Variants in TNFSF4 observed in about 807,000 individuals in gnomAD.
The protein encoded by TNFSF4 is tumor necrosis factor ligand superfamily member 4.
Under a neutral mutation model 7.3 loss-of-function variants are expected in TNFSF4, and 4 were observed. The ratio of observed to expected loss-of-function variants is 0.55; its 90% CI spans 0.27 to 1.25. The LOEUF is 1.25. TNFSF4 is among the 50% of genes most tolerant of loss of function. TNFSF4 has a pLI of 0.12. For missense variants in TNFSF4, 181 were observed against 208.8 expected, an observed-to-expected ratio of 0.87 and a Z score of 0.82; for synonymous variants, 76 against 83.7, an observed-to-expected ratio of 0.91 and a Z score of 0.50.
At chr1:173,245,493 T>C in the TNFSF4 span, among the ~76,000 whole-genome samples, 1 of 152,202 alleles carries the variant, frequency 6.6e-6, no homozygotes, top group South Asian at 2.1e-4. Context: ...TACATATTTA[T>C]GGGGTACAGC....
chr1:173,284,915 A>G, the TNFSF4 span, among the ~76,000 whole-genome samples: 2 of 152,164 alleles, frequency 1.3e-5, no homozygotes, highest in Non-Finnish European at 2.9e-5. Context: ...TGCTAACACA[A>G]CATTTATTCT....
At chr1:173,447,996 T>C in the TNFSF4 span, among the ~76,000 whole-genome samples, 2 of 152,144 alleles carry the variant, frequency 1.3e-5, no homozygotes, top group Non-Finnish European at 2.9e-5. Context: ...AATATCAAAG[T>C]AGATTTCAAA....
the TNFSF4 span, among the ~76,000 whole-genome samples, chr1:173,263,759 T>C: frequency 6.6e-6 from 1 of 152,214 alleles, no homozygotes; most frequent in Non-Finnish European, 1.5e-5. Flanking sequence ...GCCATCTGCA[T>C]GGGATTAACC....
intron 1 of TNFSF4, among the ~76,000 whole-genome samples, chr1:173,189,016 T>A (rs1307473021): frequency 1.3e-5 from 2 of 152,292 alleles, no homozygotes; most frequent in Admixed American, 1.3e-4. Context: ...TGAGTCGCCA[T>A]GCCCGGCCCT....
At chr1:173,388,883 A>G in the TNFSF4 span, among the ~76,000 whole-genome samples, 1 of 152,282 alleles carries the variant, frequency 6.6e-6, no homozygotes, top group Non-Finnish European at 1.5e-5. Flanking sequence ...AGTGACTCTT[A>G]AGAGTTAAAG....
chr1:173,380,235 A>G, the TNFSF4 span, among the ~76,000 whole-genome samples: 1 of 151,996 alleles, frequency 6.6e-6, no homozygotes, highest in African/African-American at 2.4e-5. Context: ...AAAGTCCCAC[A>G]CCCTTATTAG....
chr1:173,294,068 C>T, the TNFSF4 span, among the ~76,000 whole-genome samples: 188 of 152,152 alleles, frequency 1.2e-3, 1 homozygote, highest in East Asian at 0.011. Context: ...GAACTGCAAA[C>T]AGAACTGCCC....
the TNFSF4 span, among the ~76,000 whole-genome samples, chr1:173,422,905 AAGG>A: frequency 6.6e-6 from 1 of 152,162 alleles, no homozygotes; most frequent in Admixed American, 6.5e-5. Context: ...GTCGTGGAGA[AAGG>A]AGGTTTGTCA....
chr1:173,357,786 C>T, the TNFSF4 span, among the ~76,000 whole-genome samples: 4,443 of 152,298 alleles, frequency 0.029, 76 homozygotes, highest in Non-Finnish European at 0.041. Context: ...CTGCCCGCCT[C>T]AGCCTCCCAA....
upstream of TNFSF4, among the ~76,000 whole-genome samples, chr1:173,209,186 C>T (rs1210254835): frequency 1.3e-5 from 2 of 152,176 alleles, no homozygotes; most frequent in Non-Finnish European, 2.9e-5. Context: ...TGATATTTTA[C>T]ACTTAATTGT....
At chr1:173,342,516 C>CA in the TNFSF4 span, among the ~76,000 whole-genome samples, 930 of 146,286 alleles carry the variant, frequency 6.4e-3, 4 homozygotes, top group African/African-American at 0.013. Flanking sequence ...ATGCATTATG[C>CA]AAAAAAAAAA....
chr1:173,391,147 C>T, the TNFSF4 span, among the ~76,000 whole-genome samples: 561 of 152,088 alleles, frequency 3.7e-3, 6 homozygotes, highest in Non-Finnish European at 5.6e-3. Context: ...TGTTAAAAAT[C>T]TGTATTCAAC....
chr1:173,340,800 A>G, the TNFSF4 span, among the ~76,000 whole-genome samples: 2 of 152,042 alleles, frequency 1.3e-5, no homozygotes, highest in Non-Finnish European at 2.9e-5. Flanking sequence ...TTCTTTGTCC[A>G]TTATCCAGGT....
At chr1:173,272,000 A>G in the TNFSF4 span, among the ~76,000 whole-genome samples, 2 of 152,200 alleles carry the variant, frequency 1.3e-5, no homozygotes, top group Middle Eastern at 3.2e-3. Context: ...CATACACACC[A>G]TGGAATACCA....
In TNFSF4 at chr1:173,195,724, A is replaced by AC. The variant is rs562886351; in HGVS notation, c.154-7156dup. Among the ~76,000 whole-genome samples the AC allele has an allele frequency of 9.5e-4, 145 of 152,260 alleles. 1 individual carries two copies. The highest frequency in any genetic ancestry group is 3.2e-3 in the African/African-American group (131 of 41,544). On this transcript the variant is annotated intron_variant, in intron 1 of 2. Coordinates refer to ENST00000281834, the MANE Select transcript of TNFSF4 (RefSeq NM_003326.5). ...TCTGTGGCAGGAGCAAATGATACTC[A>AC]CCAAGCATGAAACCAGGAAGTGGGC...
the TNFSF4 span, among the ~76,000 whole-genome samples, chr1:173,250,463 G>GTTTTGTTTTTTTTTT: frequency 7.1e-6 from 1 of 139,924 alleles, no homozygotes; most frequent in African/African-American, 2.6e-5. Context: ...TTGTTTTTTT[G>GTTTTGTTTTTTTTTT]TTTTTTTTTT....
At chr1:173,431,396 G>A in the TNFSF4 span, among the ~76,000 whole-genome samples, 8 of 152,190 alleles carry the variant, frequency 5.3e-5, no homozygotes, top group Non-Finnish European at 7.4e-5. Context: ...ACACTGGGAC[G>A]GGATTTGTTA....
chr1:173,391,778 T>A, the TNFSF4 span, among the ~76,000 whole-genome samples: 1 of 152,200 alleles, frequency 6.6e-6, no homozygotes, highest in Non-Finnish European at 1.5e-5. Context: ...TAGCAATCAG[T>A]GGCCTGACAC....
At chr1:173,449,538 G>C in the TNFSF4 span, among the ~76,000 whole-genome samples, 104 of 151,998 alleles carry the variant, frequency 6.8e-4, 2 homozygotes, top group East Asian at 0.02. Flanking sequence ...ATTTTTTGTA[G>C]AGACGGGGTT....
Sources: gnomAD v4.1 joint callset for allele counts (sites outside exome capture counted in the v4.1 genomes callset) on GRCh38, gnomAD v4.1.1 for gene constraint, MANE v1.5 for transcripts, NCBI Gene and HGNC (gene_info 2026-07-23, HGNC 2026-07-21) for gene names.